CADM3: variants seen among roughly 807,000 people sequenced by gnomAD.
The protein encoded by CADM3 is TSLC1-like 1.
In CADM3, 11 loss-of-function variants were observed where a neutral mutation model predicts 44.9. The ratio of observed to expected loss-of-function variants is 0.25; its 90% CI spans 0.15 to 0.41. The LOEUF is 0.41. CADM3 is among the 10% of genes least tolerant of loss of function. CADM3 has a pLI of 1.00. For missense variants in CADM3, 426 were observed against 512.0 expected, an observed-to-expected ratio of 0.83 and a Z score of 1.62; for synonymous variants, 207 against 205.2, an observed-to-expected ratio of 1.01 and a Z score of -0.08.
At chr1:159,181,941 G>A (rs1649243416) in intron 1 of CADM3, among the ~76,000 whole-genome samples, 3 of 152,020 alleles carry the variant, frequency 2.0e-5, no homozygotes, top group Admixed American at 6.6e-5. Flanking sequence ...TCAAGAATAG[G>A]ACATGTTCCT....
At chr1:159,188,501 C>G (rs1051024837) in intron 1 of CADM3, among the ~76,000 whole-genome samples, 1 of 152,078 alleles carries the variant, frequency 6.6e-6, no homozygotes, top group African/African-American at 2.4e-5. Context: ...CTCTCCTCCC[C>G]CACCTGCCTC....
chr1:159,187,230 A>G (rs1324134231), intron 1 of CADM3, among the ~76,000 whole-genome samples: 2 of 152,370 alleles, frequency 1.3e-5, no homozygotes, highest in Non-Finnish European at 2.9e-5. Flanking sequence ...ATGAATTACC[A>G]GAGCCAATTA....
rs34142955 is a variant in CADM3 at position 159,189,660 on chromosome 1, C to T, written c.89-2276C>T. The T allele has an allele frequency of 9.1e-4, 693 of 765,262 alleles. 6 individuals are homozygous for T. The African/African-American group carries it at 0.01, about 11-fold the overall frequency. The allele number at this position is 765,262 out of a possible 1,614,324, so 47.4% of individuals were successfully genotyped here. ...CCTTCTCTTAGGTATCCTGGTGAAC[C>T]TATTTTTCACAGGGACCTAGCCTTT... On this transcript the variant is annotated intron_variant, in intron 1 of 8. Transcript: ENST00000368125.
intron 7 of CADM3, chr1:159,197,312 C>T (rs554367038): frequency 2.1e-4 from 88 of 426,070 alleles, no homozygotes; most frequent in Non-Finnish European, 2.0e-4. Context: ...GCCTGGGTGA[C>T]ACCATCTTCC....
At chr1:159,180,513 C>T (rs1233996467) in intron 1 of CADM3, among the ~76,000 whole-genome samples, 1 of 152,004 alleles carries the variant, frequency 6.6e-6, no homozygotes, top group East Asian at 1.9e-4. Flanking sequence ...ATCTATTTCA[C>T]AGAAGAGTGA....
At chr1:159,190,478 C>T (rs749253119) in intron 1 of CADM3, among the ~76,000 whole-genome samples, 1 of 152,180 alleles carries the variant, frequency 6.6e-6, no homozygotes, top group Non-Finnish European at 1.5e-5. Flanking sequence ...ATCTCCATTG[C>T]CTCATTGCCT....
At chr1:159,179,918 T>C (rs897744831) in intron 1 of CADM3, among the ~76,000 whole-genome samples, 1 of 148,392 alleles carries the variant, frequency 6.7e-6, no homozygotes, top group Non-Finnish European at 1.5e-5. Context: ...ATATGTTTCT[T>C]CCCATAACTT....
chr1:159,175,341 G>T lies in CADM3; in HGVS notation c.88+3488G>T, dbSNP rs539876128. On this transcript the variant is annotated intron_variant, in intron 1 of 8. Coordinates refer to ENST00000368125, the MANE Select transcript of CADM3 (RefSeq NM_001127173.3). ...GTTTAGTTAATTCCATGAAGAATCA[G>T]TGTGTTTCATGTAGGTCCTAATGTA... Among the ~76,000 whole-genome samples the T allele has an allele frequency of 2.6e-5, 4 of 152,350 alleles. No homozygotes were observed. In the South Asian group the frequency reaches 8.3e-4, roughly 32 times the overall value.
chr1:159,193,339 G>T, intron 3 of CADM3, 84 bp from the exon 4 acceptor site: 1 of 1,400,004 alleles, frequency 7.1e-7, no homozygotes, highest in Non-Finnish European at 9.7e-7. Context: ...CAGGTACGCA[G>T]AGAAGCCATC....
rs541428771 is a variant in CADM3 at position 159,195,087 on chromosome 1, T to A, written c.691+1047T>A. 3 of 152,378 alleles carry A rather than the reference T, an allele frequency of 2.0e-5. No individual in the cohort carries two copies. The East Asian group carries it at 5.8e-4, about 29-fold the overall frequency. The allele number at this position is 152,378 out of a possible 1,614,324, so 9.4% of individuals were successfully genotyped here. On this transcript the variant is annotated intron_variant, in intron 5 of 8. Coordinates refer to ENST00000368125, the MANE Select transcript of CADM3 (RefSeq NM_001127173.3). ...TTTTCCTAACTTCAGTGTTATTTAA[T>A]CATATCTTAGACCCATTACTCAAAC...
chr1:159,203,109 G>A lies in CADM3; in HGVS notation c.*2187G>A, dbSNP rs938981627. 3 of 152,218 alleles carry A rather than the reference G, an allele frequency of 2.0e-5. No homozygotes were observed. The highest frequency in any genetic ancestry group is 2.0e-4 in the Admixed American group (3 of 15,266). The allele number at this position is 152,218 out of a possible 1,614,324, so 9.4% of individuals were successfully genotyped here. ...TAACTCTCCTGTGCTAATCTCAGAG[G>A]GGTCACCCTCAATATATCTGGATTA... On this transcript the variant is annotated 3_prime_UTR_variant, in exon 9 of 9. Transcript: ENST00000368125.
rs1650177517 is a variant in CADM3 at position 159,201,070 on chromosome 1, T to C, written c.*148T>C. 1 of 204,494 alleles carries C rather than the reference T, an allele frequency of 4.9e-6. No individual in the cohort carries two copies. Among genetic ancestry groups the C allele is most frequent in the African/African-American group, 2.5e-5 (1 of 39,502 alleles). 12.7% of individuals were successfully genotyped at this position (204,494 alleles called of 1,614,324 possible). On this transcript the variant is annotated 3_prime_UTR_variant, in exon 9 of 9. Coordinates refer to ENST00000368125, the MANE Select transcript of CADM3 (RefSeq NM_001127173.3). ...ACCCCCCTGTACAGAATGTCTGCTTTGGGTGCGGTTTTGTACTCGGTTTGG... is the reference window on the plus strand; with the variant it reads ...ACCCCCCTGTACAGAATGTCTGCTTCGGGTGCGGTTTTGTACTCGGTTTGG...
intron 1 of CADM3, among the ~76,000 whole-genome samples, chr1:159,178,723 C>T (rs1474747): frequency 0.65 from 98,362 of 151,942 alleles, 32,085 homozygotes; most frequent in East Asian, 0.73. Context: ...TTTAAGGGTA[C>T]CTTCCAATAA....
Position 159,181,641 on chromosome 1 carries a change from G to A in CADM3, c.88+9788G>A, listed in dbSNP as rs775174916. Among the ~76,000 whole-genome samples, 7 of 152,138 alleles carry A rather than the reference G, an allele frequency of 4.6e-5. No homozygotes were observed. In the East Asian group the frequency reaches 5.8e-4, roughly 13 times the overall value. On this transcript the variant is annotated intron_variant, in intron 1 of 8. Transcript: ENST00000368125. ...GCTAAGGCAAGGAAGAGACTCTTTC[G>A]GGATCAAATCCCCTCCCTTTTTGTC... is the stretch of plus-strand genomic sequence containing the variant.
At chr1:159,172,513 T>C (rs955881131) in intron 1 of CADM3, among the ~76,000 whole-genome samples, 5 of 151,916 alleles carry the variant, frequency 3.3e-5, no homozygotes, top group Admixed American at 3.3e-4. Context: ...GATGGCAATA[T>C]CCCTGGCAGT....
intron 1 of CADM3, among the ~76,000 whole-genome samples, chr1:159,174,995 G>A (rs1332975952): frequency 2.6e-5 from 4 of 152,174 alleles, no homozygotes; most frequent in Non-Finnish European, 5.9e-5. Flanking sequence ...CCCCACACAT[G>A]AACATCTATT....
At chr1:159,188,152 A>C (rs1414080955) in intron 1 of CADM3, among the ~76,000 whole-genome samples, 1 of 151,784 alleles carries the variant, frequency 6.6e-6, no homozygotes, top group Non-Finnish European at 1.5e-5. Flanking sequence ...GCCTCCATGG[A>C]GGCCAGGGAA....
Position 159,171,785 on chromosome 1 carries a change from CGCTCCT to C in CADM3, c.36_41del (p.Leu13_Leu14del), listed in dbSNP as rs578171563. ...AGCGCGATGGGGGCCCCAGCCGCCT[CGCTCCT>C]GCTCCTGCTCCTGCTGTTCGCCTGC... On this transcript the variant is annotated inframe_deletion, in exon 1 of 9. Transcript: ENST00000368125. 8.1e-5 allele frequency: 100 copies of C among 1,241,726 alleles called. No individual in the cohort carries two copies. The South Asian group carries it at 9.3e-4, about 12-fold the overall frequency. 76.9% of individuals were successfully genotyped at this position (1,241,726 alleles called of 1,614,324 possible). A position where few individuals can be genotyped will look rare whatever the true frequency, so the allele number is the denominator to read the frequency against.
chr1:159,180,547 G>T (rs35923384), intron 1 of CADM3, among the ~76,000 whole-genome samples: 5,729 of 151,870 alleles, frequency 0.038, 391 homozygotes, highest in African/African-American at 0.13. Context: ...TGAGGCTAAT[G>T]CGAACAATGT....
Sources: allele counts gnomAD v4.1 joint callset (sites outside exome capture counted in the v4.1 genomes callset), GRCh38; gene constraint gnomAD v4.1.1; transcripts MANE v1.5; gene names NCBI Gene and HGNC (gene_info 2026-07-23, HGNC 2026-07-21).